ERC2: variants seen among roughly 807,000 people sequenced by gnomAD.
ERC2 encodes the protein ELKS/RAB6-interacting/CAST family member 2.
Under a neutral mutation model 114.8 loss-of-function variants are expected in ERC2, and 42 were observed. That is an observed-to-expected ratio of 0.37 (90% CI 0.29 to 0.47). ERC2 has a LOEUF of 0.47. Ranked by LOEUF, ERC2 falls within the 20% of genes least tolerant of loss-of-function variation. ERC2 has a pLI of 0.99. For synonymous variants in ERC2, 454 were observed against 425.5 expected (o/e 1.07, Z -0.82); for missense variants, 939 against 1,150.7 (o/e 0.82, Z 2.66).
chr3:55,838,960 C>T lies in ERC2; in HGVS notation c.2564+49429G>A, dbSNP rs569407530. Reference sequence around the variant, plus strand: ...TGAAGGTACCATAAAATGGCAGCAACAGAAATTATAAACCCACAGATCCAA... The same window carrying T: ...TGAAGGTACCATAAAATGGCAGCAATAGAAATTATAAACCCACAGATCCAA... On this transcript the variant is annotated intron_variant, in intron 14 of 17. Transcript: ENST00000288221. Among the ~76,000 whole-genome samples the T allele has an allele frequency of 7.9e-5, 12 of 151,806 alleles. No individual in the cohort carries two copies. The South Asian group carries it at 1.7e-3, about 21-fold the overall frequency.
At chr3:56,049,717 T>C (rs1369068802) in intron 7 of ERC2, among the ~76,000 whole-genome samples, 6 of 152,170 alleles carry the variant, frequency 3.9e-5, no homozygotes, top group Non-Finnish European at 7.3e-5. Flanking sequence ...TCTTCAGCTT[T>C]GGGACTCACA....
At chr3:56,309,603 C>T (rs1399703268) in intron 2 of ERC2, among the ~76,000 whole-genome samples, 1 of 152,222 alleles carries the variant, frequency 6.6e-6, no homozygotes, top group East Asian at 1.9e-4. Context: ...CTACCCATGA[C>T]AGCCTGTGAT....
intron 17 of ERC2, among the ~76,000 whole-genome samples, chr3:55,588,415 A>G (rs775248254): frequency 3.9e-5 from 6 of 152,238 alleles, no homozygotes; most frequent in Non-Finnish European, 7.3e-5. Context: ...GAATCAGAAC[A>G]AAGGGATCCT....
chr3:56,198,647 G>A (rs924977165), intron 3 of ERC2, among the ~76,000 whole-genome samples: 3 of 152,170 alleles, frequency 2.0e-5, no homozygotes, highest in African/African-American at 7.2e-5. Context: ...CACAGAAAGA[G>A]AAAAAGAGAA....
intron 12 of ERC2, among the ~76,000 whole-genome samples, chr3:55,955,617 A>G (rs1311154390): frequency 6.6e-6 from 1 of 152,182 alleles, no homozygotes; most frequent in East Asian, 1.9e-4. Context: ...TGAATACACT[A>G]TAATTTGATT....
intron 14 of ERC2, among the ~76,000 whole-genome samples, chr3:55,879,932 G>A (rs2063041845): frequency 6.6e-6 from 1 of 152,186 alleles, no homozygotes; most frequent in Non-Finnish European, 1.5e-5. Flanking sequence ...CCACCAACAG[G>A]AGGATTTTTG....
intron 7 of ERC2, among the ~76,000 whole-genome samples, chr3:56,027,584 C>T (rs1005093760): frequency 5.9e-5 from 9 of 152,182 alleles, no homozygotes; most frequent in African/African-American, 1.9e-4. Flanking sequence ...TTTTTAACAT[C>T]TTTTCATGTG....
intron 14 of ERC2, among the ~76,000 whole-genome samples, chr3:55,756,564 C>A (rs1325331725): frequency 6.6e-6 from 1 of 152,164 alleles, no homozygotes; most frequent in African/African-American, 2.4e-5. Flanking sequence ...CTCAGAGCAA[C>A]AGAAGTATGA....
intron 17 of ERC2, among the ~76,000 whole-genome samples, chr3:55,613,385 A>C (rs1409264569): frequency 6.6e-6 from 1 of 152,240 alleles, no homozygotes; most frequent in African/African-American, 2.4e-5. Context: ...TAGGGAAATC[A>C]TTCTTAACCT....
Position 55,954,295 on chromosome 3 carries a change from C to T in ERC2, c.2268-3735G>A, listed in dbSNP as rs532825884. 1.3e-5 allele frequency among the ~76,000 whole-genome samples: 2 copies of T among 152,216 alleles called. 1 individual carries two copies. Among genetic ancestry groups the T allele is most frequent in the South Asian group, 4.1e-4 (2 of 4,822 alleles). On this transcript the variant is annotated intron_variant, in intron 12 of 17. Coordinates refer to ENST00000288221, the MANE Select transcript of ERC2 (RefSeq NM_015576.3). ...CAGTTTCATAAATCAAGGGATGTCA[C>T]TATTCAAAATTCAGTTGCCATCAAG...
chr3:55,751,020 G>T, intron 14 of ERC2, among the ~76,000 whole-genome samples: 1 of 152,162 alleles, frequency 6.6e-6, no homozygotes, highest in East Asian at 1.9e-4. Flanking sequence ...AGCATATGTT[G>T]TTGGCAAAAA....
intron 12 of ERC2, among the ~76,000 whole-genome samples, chr3:55,975,755 T>A (rs531881006): frequency 2.4e-4 from 37 of 152,302 alleles, no homozygotes; most frequent in African/African-American, 8.4e-4. Context: ...GATCAGCCCT[T>A]TCTGCCCTTC....
intron 13 of ERC2, among the ~76,000 whole-genome samples, chr3:55,923,151 G>A (rs2065534148): frequency 6.6e-6 from 1 of 152,014 alleles, no homozygotes; most frequent in Non-Finnish European, 1.5e-5. Flanking sequence ...GAAGATGAAT[G>A]AATAAACAAA....
chr3:55,886,673 T>C (rs2063361013), intron 14 of ERC2, among the ~76,000 whole-genome samples: 1 of 152,240 alleles, frequency 6.6e-6, no homozygotes. Flanking sequence ...TTGACATTTA[T>C]AATTTTTCTG....
At chr3:56,440,936 C>A (rs2062274831) in intron 1 of ERC2, among the ~76,000 whole-genome samples, 2 of 152,176 alleles carry the variant, frequency 1.3e-5, no homozygotes, top group African/African-American at 2.4e-5. Context: ...CCTTCCTATA[C>A]AGAATTGTCT....
intron 2 of ERC2, among the ~76,000 whole-genome samples, chr3:56,299,220 C>T (rs1373136972): frequency 1.2e-4 from 18 of 148,578 alleles, no homozygotes; most frequent in East Asian, 4.0e-4. Flanking sequence ...CTCCGCCTCC[C>T]GGGTTCACGC....
chr3:56,202,320 T>G (rs1446531322), intron 3 of ERC2, among the ~76,000 whole-genome samples: 1 of 152,198 alleles, frequency 6.6e-6, no homozygotes, highest in African/African-American at 2.4e-5. Context: ...TTAAACACGT[T>G]TATAAATAGC....
At chr3:55,741,445 A>G (rs1403238231) in intron 14 of ERC2, among the ~76,000 whole-genome samples, 14 of 152,218 alleles carry the variant, frequency 9.2e-5, no homozygotes, top group Admixed American at 9.2e-4. Context: ...AACCGGAAAC[A>G]GAAAAATCAT....
intron 14 of ERC2, among the ~76,000 whole-genome samples, chr3:55,778,049 A>T (rs1476033980): frequency 2.0e-5 from 3 of 152,202 alleles, no homozygotes; most frequent in Non-Finnish European, 4.4e-5. Flanking sequence ...TCCTTTTTCA[A>T]TGAAGTAAAT....
Sources: gnomAD v4.1 joint callset for allele counts (sites outside exome capture counted in the v4.1 genomes callset) on GRCh38, gnomAD v4.1.1 for gene constraint, MANE v1.5 for transcripts, NCBI Gene and HGNC (gene_info 2026-07-23, HGNC 2026-07-21) for gene names.